GABRB3: variants seen among roughly 807,000 people sequenced by gnomAD.
The protein encoded by GABRB3 is gamma-aminobutyric acid receptor subunit beta-3.
A neutral mutation model predicts 52.1 loss-of-function variants in GABRB3; 14 were observed. The observed-to-expected ratio is 0.27, with a 90% CI of 0.18 to 0.42. The LOEUF is 0.42. Among genes scored for constraint, GABRB3 ranks in the 10% least tolerant of loss-of-function variants. The probability of loss-of-function intolerance (pLI) is 1.00; values close to 1 mark genes in which losing one functional copy is unlikely to be tolerated. For missense variants in GABRB3, 307 were observed against 609.1 expected, an observed-to-expected ratio of 0.50 and a Z score of 5.22; for synonymous variants, 260 against 232.3, an observed-to-expected ratio of 1.12 and a Z score of -1.08.
intron 3 of GABRB3, among the ~76,000 whole-genome samples, chr15:26,694,553 G>GTAA (rs1290541601): frequency 3.3e-5 from 5 of 152,170 alleles, no homozygotes; most frequent in Non-Finnish European, 7.3e-5. Context: ...ACAGCAAAGA[G>GTAA]TAAATACACT....
intron 3 of GABRB3, among the ~76,000 whole-genome samples, chr15:26,705,451 T>G (rs1217844540): frequency 6.6e-6 from 1 of 152,160 alleles, no homozygotes; most frequent in East Asian, 1.9e-4. Flanking sequence ...GACATAAACA[T>G]AGTCCAGCCC....
At chr15:26,690,417 A>G (rs1033983009) in intron 3 of GABRB3, among the ~76,000 whole-genome samples, 1 of 152,094 alleles carries the variant, frequency 6.6e-6, no homozygotes, top group African/African-American at 2.4e-5. Flanking sequence ...AGACTTGGGG[A>G]CAAATACATT....
chr15:26,753,347 G>A (rs140316451), intron 3 of GABRB3, among the ~76,000 whole-genome samples: 261 of 152,316 alleles, frequency 1.7e-3, no homozygotes, highest in Middle Eastern at 3.4e-3. Context: ...GAGATTCACA[G>A]GTGAAAGACA....
intron 3 of GABRB3, among the ~76,000 whole-genome samples, chr15:26,753,682 T>C (rs886516174): frequency 6.6e-6 from 1 of 152,180 alleles, no homozygotes; most frequent in Non-Finnish European, 1.5e-5. Flanking sequence ...CTATTTCCTA[T>C]ATGAAGATTA....
At chr15:26,652,603 A>G (rs1887231691) in intron 3 of GABRB3, among the ~76,000 whole-genome samples, 1 of 152,124 alleles carries the variant, frequency 6.6e-6, no homozygotes, top group African/African-American at 2.4e-5. Flanking sequence ...TATATGTAGA[A>G]GTATAAATAG....
At chr15:26,742,572 C>T (rs990729662) in intron 3 of GABRB3, among the ~76,000 whole-genome samples, 5 of 152,162 alleles carry the variant, frequency 3.3e-5, no homozygotes, top group African/African-American at 9.7e-5. Context: ...GTAGACTATC[C>T]CTTTGCCAAG....
intron 3 of GABRB3, among the ~76,000 whole-genome samples, chr15:26,667,712 G>A (rs564667739): frequency 4.6e-5 from 7 of 152,252 alleles, no homozygotes; most frequent in South Asian, 2.1e-4. Flanking sequence ...CAGTATCAGC[G>A]TCACCTGGGC....
chr15:26,665,394 G>A (rs1037699570), intron 3 of GABRB3, among the ~76,000 whole-genome samples: 1 of 152,200 alleles, frequency 6.6e-6, no homozygotes, highest in Non-Finnish European at 1.5e-5. Flanking sequence ...AGGTAGCAGA[G>A]ATTACCAAAC....
At chr15:26,694,616 T>C (rs1888680324) in intron 3 of GABRB3, among the ~76,000 whole-genome samples, 1 of 152,236 alleles carries the variant, frequency 6.6e-6, no homozygotes, top group African/African-American at 2.4e-5. Context: ...TGATTTAACT[T>C]AGTTCTCTTT....
At chr15:26,568,104 T>A (rs956006483) in intron 6 of GABRB3, among the ~76,000 whole-genome samples, 1 of 152,252 alleles carries the variant, frequency 6.6e-6, no homozygotes, top group African/African-American at 2.4e-5. Context: ...AAGGCTTTAC[T>A]GGGCAAGAAA....
chr15:26,618,130 A>G (rs1183340978), intron 4 of GABRB3, among the ~76,000 whole-genome samples: 3 of 152,158 alleles, frequency 2.0e-5, no homozygotes, highest in Non-Finnish European at 2.9e-5. Flanking sequence ...CCATCAAGCT[A>G]CCAATGACTT....
At chr15:26,617,424 T>C (rs866650540) in intron 4 of GABRB3, among the ~76,000 whole-genome samples, 2 of 152,192 alleles carry the variant, frequency 1.3e-5, no homozygotes, top group East Asian at 1.9e-4. Flanking sequence ...CACATGATTA[T>C]CTCAATAGAT....
chr15:26,606,805 T>TATCGATAGATCTATCG (rs1275882932), intron 4 of GABRB3, among the ~76,000 whole-genome samples: 1 of 117,950 alleles, frequency 8.5e-6, no homozygotes, highest in Non-Finnish European at 2.0e-5. Context: ...TAGATATATC[T>TATCGATAGATCTATCG]ATAGATAGAT....
At chr15:26,773,071 C>G (rs1317939026), upstream of GABRB3, 16 of 1,041,590 alleles carry the variant, frequency 1.5e-5, no homozygotes, top group South Asian at 4.4e-5. Flanking sequence ...CGCGCTGGCC[C>G]GGAGCGGAGG....
intron 3 of GABRB3, among the ~76,000 whole-genome samples, chr15:26,651,535 G>A (rs1013180003): frequency 2.6e-5 from 4 of 152,182 alleles, no homozygotes; most frequent in Admixed American, 1.3e-4. Context: ...GGAAAAATCC[G>A]TGGTTAGACC....
intron 3 of GABRB3, among the ~76,000 whole-genome samples, chr15:26,731,808 T>C (rs1261788452): frequency 1.3e-5 from 2 of 152,216 alleles, no homozygotes; most frequent in African/African-American, 4.8e-5. Context: ...TTTAGCGGTG[T>C]TTTTAAAAAG....
Position 26,560,996 on chromosome 15 carries a change from T to TA in GABRB3, c.1015_1016insT (p.Gln339LeufsTer14), listed in dbSNP as rs1238184298. 1 of 1,614,212 alleles carries TA rather than the reference T, an allele frequency of 6.2e-7. No individual in the cohort carries two copies. ...GGCTGTCTTTTCTGCAAGCTTCTTC[T>TA]GCCTTTGAGGGCCTCTTCCAAAGAA... On this transcript the variant is annotated frameshift_variant, in exon 8 of 9. Coordinates refer to ENST00000311550, the MANE Select transcript of GABRB3 (RefSeq NM_000814.6). LOFTEE classifies it high-confidence loss of function.
intron 6 of GABRB3, among the ~76,000 whole-genome samples, chr15:26,573,889 A>T (rs1349966750): frequency 6.6e-6 from 1 of 152,100 alleles, no homozygotes; most frequent in Non-Finnish European, 1.5e-5. Context: ...ATCTTTACAA[A>T]AAAATACAAA....
At chr15:26,639,676 T>A (rs1186781059) in intron 3 of GABRB3, among the ~76,000 whole-genome samples, 1 of 152,218 alleles carries the variant, frequency 6.6e-6, no homozygotes, top group Non-Finnish European at 1.5e-5. Context: ...AAAGGATACT[T>A]CCATATCCTA....
Sources: allele counts gnomAD v4.1 joint callset (sites outside exome capture counted in the v4.1 genomes callset), GRCh38; gene constraint gnomAD v4.1.1; transcripts MANE v1.5; gene names NCBI Gene and HGNC (gene_info 2026-07-23, HGNC 2026-07-21).